PIWIL1: variants seen among roughly 807,000 people sequenced by gnomAD.
The protein encoded by PIWIL1 is piwi like RNA-mediated gene silencing 1, also known as piwi-like protein 1.
Under a neutral mutation model 114.4 loss-of-function variants are expected in PIWIL1, and 73 were observed. The observed-to-expected ratio is 0.64, with a 90% confidence interval of 0.53 to 0.78. The LOEUF (loss-of-function observed/expected upper bound fraction) is 0.78, where lower values mean the gene tolerates loss of function less well. Ranked by LOEUF, PIWIL1 falls within the 30% of genes least tolerant of loss-of-function variation. PIWIL1 has a pLI of 0.00. For synonymous variants in PIWIL1, 375 were observed against 369.0 expected (o/e 1.02, Z -0.19); for missense variants, 723 against 1,063.1 (o/e 0.68, Z 4.45).
the PIWIL1 span, among the ~76,000 whole-genome samples, chr12:130,392,615 C>CAT: frequency 0.022 from 411 of 18,752 alleles, no homozygotes; most frequent in African/African-American, 0.048. Context: ...ACCGTCATCA[C>CAT]GTGTCTGTCA....
chr12:130,366,299 A>AG (rs1408923616), intron 18 of PIWIL1: 3 of 152,444 alleles, frequency 2.0e-5, no homozygotes, highest in Non-Finnish European at 4.4e-5. Context: ...AGCCTGGAGG[A>AG]GGGGGTGGAA....
In PIWIL1 at chr12:130,362,625, A is replaced by G; in HGVS notation, c.1971-141A>G. 2 of 675,916 alleles carry G rather than the reference A, an allele frequency of 3.0e-6. 1 individual carries two copies. The highest frequency in any genetic ancestry group is 3.7e-5 in the South Asian group (2 of 53,862). 41.9% of individuals were successfully genotyped at this position (675,916 alleles called of 1,614,324 possible). On this transcript the variant is annotated intron_variant, in intron 16 of 20. Transcript: ENST00000245255. Reference sequence around the variant, plus strand: ...CTTCTGTGTAAGGTTTTTATAAAGTATTTGGAGATGTTAACAGATGTCTTT... The same window carrying G: ...CTTCTGTGTAAGGTTTTTATAAAGTGTTTGGAGATGTTAACAGATGTCTTT...
chr12:130,352,252 A>G (rs1412749616), intron 9 of PIWIL1, among the ~76,000 whole-genome samples: 1 of 152,266 alleles, frequency 6.6e-6, no homozygotes, highest in East Asian at 1.9e-4. Context: ...GATAATATCT[A>G]GGAAACAGAG....
At position 130,371,699 on chromosome 12, in the gene PIWIL1, A is replaced by T. The variant is rs1188748658; in HGVS notation, c.*101A>T. On this transcript the variant is annotated 3_prime_UTR_variant, in exon 21 of 21. Transcript: ENST00000245255. The stretch of plus-strand genomic sequence containing the variant: ...TTTAACTGTTATCTTTCTGGATGAA[A>T]CTTGGGAAGGGGATTAGGAGATCTA... 1 of 724,436 alleles carries T rather than the reference A, an allele frequency of 1.4e-6. No homozygotes were observed. Among genetic ancestry groups the T allele is most frequent in the East Asian group, 2.6e-5 (1 of 38,498 alleles). 44.9% of individuals were successfully genotyped at this position (724,436 alleles called of 1,614,324 possible).
At position 130,346,595 on chromosome 12, in the gene PIWIL1, A is replaced by C; in HGVS notation, c.531+11A>C. The C allele has an allele frequency of 1.9e-6, 3 of 1,596,866 alleles. No individual in the cohort carries two copies. The highest frequency in any genetic ancestry group is 2.6e-6 in the Non-Finnish European group (3 of 1,165,260). On this transcript the variant is annotated intron_variant, in intron 5 of 20. Coordinates refer to ENST00000245255, the MANE Select transcript of PIWIL1 (RefSeq NM_004764.5). The stretch of plus-strand genomic sequence containing the variant: ...AGACTACAGCAAAAGGTTATTTGGG[A>C]AAAGGGAGATGGGGGATTTCCACTT...
At chr12:130,407,723 T>G in the PIWIL1 span, 1 of 1,611,886 alleles carries the variant, frequency 6.2e-7, no homozygotes, top group Non-Finnish European at 8.5e-7. Flanking sequence ...GTTTGGCTGG[T>G]ACCTCGACAT....
chr12:130,409,647 A>G, the PIWIL1 span, among the ~76,000 whole-genome samples: 1 of 152,046 alleles, frequency 6.6e-6, no homozygotes, highest in South Asian at 2.1e-4. Context: ...CCGGCCCAGA[A>G]TGTAGCTTTT....
At chr12:130,359,286 AGTCTTT>A (rs2073448390) in intron 14 of PIWIL1, among the ~76,000 whole-genome samples, 1 of 152,238 alleles carries the variant, frequency 6.6e-6, no homozygotes, top group African/African-American at 2.4e-5. Context: ...CTTTGCATTC[AGTCTTT>A]GTCCAAGAAC....
intron 18 of PIWIL1, among the ~76,000 whole-genome samples, chr12:130,365,094 A>G (rs1383497580): frequency 6.6e-6 from 1 of 152,172 alleles, no homozygotes; most frequent in Non-Finnish European, 1.5e-5. Flanking sequence ...GAGTGTGCAG[A>G]GTGGACCCTG....
intron 18 of PIWIL1, among the ~76,000 whole-genome samples, chr12:130,365,256 A>G (rs1481444790): frequency 1.3e-5 from 2 of 152,208 alleles, no homozygotes; most frequent in African/African-American, 2.4e-5. Context: ...AGTAGGGATC[A>G]GTGGTAAAAA....
At position 130,348,202 on chromosome 12, in the gene PIWIL1, G is replaced by A. The variant is rs748372146; in HGVS notation, c.734+19G>A. Reference sequence around the variant, plus strand: ...GTCACAGGTTTGTATGAAGTAGAACGTTTAATATTCCTTAGGCTTAATGAC... The same window carrying A: ...GTCACAGGTTTGTATGAAGTAGAACATTTAATATTCCTTAGGCTTAATGAC... On this transcript the variant is annotated intron_variant, in intron 7 of 20. Coordinates refer to ENST00000245255, the MANE Select transcript of PIWIL1 (RefSeq NM_004764.5). 28 of 1,417,002 alleles carry A rather than the reference G, an allele frequency of 2.0e-5. No individual in the cohort carries two copies. The highest frequency in any genetic ancestry group is 7.1e-5 in the African/African-American group (5 of 70,768). 87.8% of individuals were successfully genotyped at this position (1,417,002 alleles called of 1,614,324 possible).
chr12:130,340,958 T>C (rs1010504370), intron 1 of PIWIL1, among the ~76,000 whole-genome samples: 2 of 152,118 alleles, frequency 1.3e-5, no homozygotes, highest in Non-Finnish European at 2.9e-5. Context: ...TCCTGTAAAA[T>C]ACAATAGGAA....
At chr12:130,346,286 T>C in intron 4 of PIWIL1, 84 bp from the exon 5 acceptor site, 1 of 1,027,620 alleles carries the variant, frequency 9.7e-7, no homozygotes, top group Non-Finnish European at 1.5e-6. Context: ...TTTACGGAAC[T>C]GTGCCTGCCT....
At chr12:130,424,274 C>G in the PIWIL1 span, 1 of 1,231,868 alleles carries the variant, frequency 8.1e-7, no homozygotes, top group Non-Finnish European at 1.0e-6. The surrounding 1 kb of genome is among the most constrained non-coding windows in gnomAD (Gnocchi z 9.8). Flanking sequence ...AGCCGTGCTT[C>G]CTGGGGGGCG....
At position 130,346,456 on chromosome 12, in the gene PIWIL1, G is replaced by A; in HGVS notation, c.403G>A (p.Asp135Asn). 11 of 1,613,960 alleles carry A rather than the reference G, an allele frequency of 6.8e-6. No individual in the cohort carries two copies. Among genetic ancestry groups the A allele is most frequent in the Non-Finnish European group, 9.3e-6 (11 of 1,179,840 alleles). ...GTGGGCCTTATATCAGTATCACATTGACTATAACCCACTGATGGAAGCCAG... is the reference window on the plus strand; with the variant it reads ...GTGGGCCTTATATCAGTATCACATTAACTATAACCCACTGATGGAAGCCAG... ...PQWALYQYHI[D>N]YNPLMEARRL... Residue 135 changes from aspartate (D) to asparagine (N), a missense_variant, in exon 5 of 21, where the codon GAC becomes AAC. Asp to Asn is a conservative substitution (Grantham distance 23). Transcript: ENST00000245255.
At chr12:130,423,931 A>G in the PIWIL1 span, among the ~76,000 whole-genome samples, 2 of 152,120 alleles carry the variant, frequency 1.3e-5, no homozygotes, top group African/African-American at 4.8e-5. Flanking sequence ...GGGGGTGGAA[A>G]TCATTACTCT....
At chr12:130,392,922 T>C in the PIWIL1 span, among the ~76,000 whole-genome samples, 46 of 11,520 alleles carry the variant, frequency 4.0e-3, 4 homozygotes, top group Non-Finnish European at 0.012. Flanking sequence ...ATCACGTGTC[T>C]GTCAGTTACC....
chr12:130,361,412 TA>T, intron 15 of PIWIL1, 32 bp downstream of exon 15: 3 of 1,611,792 alleles, frequency 1.9e-6, no homozygotes. Context: ...GATGCCGTTT[TA>T]AAATTGGTAT....
At chr12:130,395,453 G>C in the PIWIL1 span, among the ~76,000 whole-genome samples, 8 of 152,176 alleles carry the variant, frequency 5.3e-5, no homozygotes, top group East Asian at 1.4e-3. Context: ...TATAAAATAG[G>C]GGGGAAGAAA....
Sources: allele counts gnomAD v4.1 joint callset (sites outside exome capture counted in the v4.1 genomes callset), GRCh38; gene constraint gnomAD v4.1.1; non-coding constraint Gnocchi (gnomAD v3.1); transcripts MANE v1.5; gene names NCBI Gene and HGNC (gene_info 2026-07-23, HGNC 2026-07-21).